The following ST6GALNAC3 variants were observed in gnomAD, a reference collection of about 807,000 sequenced individuals.
ST6GALNAC3 encodes the protein ST6 N-acetylgalactosaminide alpha-2,6-sialyltransferase 3.
ST6GALNAC3 carries 25 observed loss-of-function variants against 32.7 expected under a neutral mutation model. The ratio of observed to expected loss-of-function variants is 0.76; its 90% confidence interval spans 0.56 to 1.07. The LOEUF is 1.07. ST6GALNAC3 is among the 50% of genes least tolerant of loss of function. ST6GALNAC3 has a pLI of 0.00. For synonymous variants in ST6GALNAC3, 129 were observed against 133.1 expected (o/e 0.97, Z 0.21); for missense variants, 355 against 382.4 (o/e 0.93, Z 0.60).
At chr1:76,365,157 A>C (rs1471621075) in intron 2 of ST6GALNAC3, among the ~76,000 whole-genome samples, 4 of 152,222 alleles carry the variant, frequency 2.6e-5, no homozygotes, top group Admixed American at 2.0e-4. Context: ...ACAAAAAATG[A>C]AACCATGTAC....
At chr1:76,157,053 G>A (rs1651494743) in intron 1 of ST6GALNAC3, among the ~76,000 whole-genome samples, 1 of 148,308 alleles carries the variant, frequency 6.7e-6, no homozygotes, top group Admixed American at 6.7e-5. Flanking sequence ...TTTTATTGGA[G>A]GGTGGTATTA....
At chr1:76,381,246 G>A (rs1651694644) in intron 2 of ST6GALNAC3, among the ~76,000 whole-genome samples, 1 of 150,854 alleles carries the variant, frequency 6.6e-6, no homozygotes, top group Non-Finnish European at 1.5e-5. Context: ...AGATTATAGG[G>A]CACCAGGAAA....
chr1:76,536,116 T>C (rs1663580732), intron 3 of ST6GALNAC3, among the ~76,000 whole-genome samples: 1 of 152,090 alleles, frequency 6.6e-6, no homozygotes, highest in Non-Finnish European at 1.5e-5. Flanking sequence ...AAGCTAGAAA[T>C]TTTTGGACAA....
intron 1 of ST6GALNAC3, among the ~76,000 whole-genome samples, chr1:76,200,252 G>A (rs543383702): frequency 5.9e-5 from 9 of 152,140 alleles, no homozygotes. Flanking sequence ...TTTGTGTGTG[G>A]CCATTTTCTG....
chr1:76,610,271 T>C (rs1426614980), intron 3 of ST6GALNAC3, among the ~76,000 whole-genome samples: 1 of 152,218 alleles, frequency 6.6e-6, no homozygotes, highest in Non-Finnish European at 1.5e-5. Context: ...TTAGCTTTAT[T>C]TTCTTTACTG....
chr1:76,538,324 T>G (rs954223900), intron 3 of ST6GALNAC3, among the ~76,000 whole-genome samples: 20 of 152,298 alleles, frequency 1.3e-4, no homozygotes, highest in African/African-American at 4.6e-4. Flanking sequence ...CAACATGACT[T>G]CATGTTAAAA....
At chr1:76,287,498 C>A (rs17098603) in intron 1 of ST6GALNAC3, among the ~76,000 whole-genome samples, 1 of 151,598 alleles carries the variant, frequency 6.6e-6, no homozygotes, top group African/African-American at 2.4e-5. Context: ...TCTCCCCAAC[C>A]GCCAAGATAA....
chr1:76,105,892 T>C (rs532966363), intron 1 of ST6GALNAC3, among the ~76,000 whole-genome samples: 8 of 152,276 alleles, frequency 5.3e-5, no homozygotes, highest in African/African-American at 1.9e-4. Flanking sequence ...ACTGGAACGA[T>C]TAGCTTTTTT....
chr1:76,187,927 T>C (rs1177329038), intron 1 of ST6GALNAC3, among the ~76,000 whole-genome samples: 1 of 152,156 alleles, frequency 6.6e-6, no homozygotes, highest in Non-Finnish European at 1.5e-5. Context: ...GACCTAGACA[T>C]TTGGATTTTG....
At chr1:76,519,070 G>A (rs1662352155) in intron 3 of ST6GALNAC3, among the ~76,000 whole-genome samples, 4 of 152,056 alleles carry the variant, frequency 2.6e-5, no homozygotes, top group Admixed American at 2.6e-4. Context: ...GTATCACTTA[G>A]CTTTATTATC....
chr1:76,167,544 G>T (rs1290466615), intron 1 of ST6GALNAC3, among the ~76,000 whole-genome samples: 3 of 152,140 alleles, frequency 2.0e-5, no homozygotes, highest in Non-Finnish European at 4.4e-5. Flanking sequence ...TCAACTTTTG[G>T]GAATTGGTTC....
chr1:76,480,382 C>A (rs983888571), intron 3 of ST6GALNAC3, among the ~76,000 whole-genome samples: 2 of 152,092 alleles, frequency 1.3e-5, no homozygotes, highest in African/African-American at 2.4e-5. Context: ...AAACCTTATA[C>A]GTGCAACTTT....
chr1:76,453,818 T>C (rs1657577114), intron 3 of ST6GALNAC3, among the ~76,000 whole-genome samples: 1 of 152,168 alleles, frequency 6.6e-6, no homozygotes, highest in South Asian at 2.1e-4. Flanking sequence ...GTAGTTTAAA[T>C]CCATTGTTTC....
chr1:76,556,621 G>C (rs552412622), intron 3 of ST6GALNAC3, among the ~76,000 whole-genome samples: 1 of 151,974 alleles, frequency 6.6e-6, no homozygotes, highest in Admixed American at 6.6e-5. Context: ...TTCCTAGTTG[G>C]CTAATAATGT....
chr1:76,542,826 T>A (rs1189281247), intron 3 of ST6GALNAC3, among the ~76,000 whole-genome samples: 4 of 152,194 alleles, frequency 2.6e-5, no homozygotes, highest in Non-Finnish European at 5.9e-5. Flanking sequence ...GTTAATGAAG[T>A]GACACAATCC....
At chr1:76,263,923 A>G (rs1032371779) in intron 1 of ST6GALNAC3, among the ~76,000 whole-genome samples, 1 of 152,180 alleles carries the variant, frequency 6.6e-6, no homozygotes, top group Non-Finnish European at 1.5e-5. Context: ...AACTAGAACA[A>G]CAACTAAAAG....
intron 1 of ST6GALNAC3, among the ~76,000 whole-genome samples, chr1:76,222,771 A>G (rs1449929846): frequency 6.6e-6 from 1 of 152,208 alleles, no homozygotes; most frequent in African/African-American, 2.4e-5. Flanking sequence ...AAAGGAAGAC[A>G]TGCAAACAGC....
At chr1:76,490,436 A>G (rs1557482171) in intron 3 of ST6GALNAC3, among the ~76,000 whole-genome samples, 1 of 149,162 alleles carries the variant, frequency 6.7e-6, no homozygotes, top group South Asian at 2.1e-4. Context: ...ATAGTATATG[A>G]TATATACTTA....
At chr1:76,189,875 G>T (rs1228829880) in intron 1 of ST6GALNAC3, among the ~76,000 whole-genome samples, 1 of 152,246 alleles carries the variant, frequency 6.6e-6, no homozygotes, top group East Asian at 1.9e-4. Flanking sequence ...ATCTCTGAGG[G>T]CCATTAAGTG....
Sources: gnomAD v4.1 joint callset for allele counts (sites outside exome capture counted in the v4.1 genomes callset) on GRCh38, gnomAD v4.1.1 for gene constraint, MANE v1.5 for transcripts, NCBI Gene and HGNC (gene_info 2026-07-23, HGNC 2026-07-21) for gene names.